The following MTMR7 variants were observed in gnomAD, a reference collection of about 807,000 sequenced individuals.
The protein encoded by MTMR7 is myotubularin related protein 7, also known as phosphatidylinositol-3-phosphate phosphatase MTMR7.
Under a neutral mutation model 81.2 loss-of-function variants are expected in MTMR7, and 76 were observed. That is an observed-to-expected ratio of 0.94 (90% CI 0.78 to 1.13). The LOEUF is 1.13. Among genes scored for constraint, MTMR7 ranks in the 50% most tolerant of loss-of-function variants. The pLI is 0.00. For missense variants in MTMR7, 1,044 were observed against 820.0 expected, an observed-to-expected ratio of 1.27 and a Z score of -3.34; for synonymous variants, 372 against 289.8, an observed-to-expected ratio of 1.28 and a Z score of -2.88.
rs1817412802 is a variant in MTMR7, at chr8:17,305,815, A to C, written c.1294T>G (p.Tyr432Asp). 1 of 1,613,582 alleles carries C rather than the reference A, an allele frequency of 6.2e-7. No homozygotes were observed. The change falls in exon 11 of 14, where the codon TAT becomes GAT. Residue 432 changes from tyrosine to aspartate, a missense_variant. Physicochemically the swap from Tyr to Asp is radical, Grantham distance 160. Transcript: ENST00000180173. ...RFLIHIQHHI[Y>D]SCQFGNFLCN... Reference sequence around the variant, plus strand: ...AGGAAGTTTCCAAACTGGCAGGAATAAATGTGATGTTGAATGTGAATCAAA... The same window carrying C: ...AGGAAGTTTCCAAACTGGCAGGAATCAATGTGATGTTGAATGTGAATCAAA...
intron 1 of MTMR7, among the ~76,000 whole-genome samples, chr8:17,376,809 T>C (rs1820603666): frequency 6.6e-6 from 1 of 152,154 alleles, no homozygotes; most frequent in Non-Finnish European, 1.5e-5. Flanking sequence ...CTAAGAGTTT[T>C]GATTTTTTAA....
intron 10 of MTMR7, among the ~76,000 whole-genome samples, chr8:17,308,003 G>A (rs960692888): frequency 5.3e-5 from 8 of 151,864 alleles, no homozygotes; most frequent in Non-Finnish European, 7.4e-5. Context: ...AAACCTGCAC[G>A]TTGTGCACAT....
At chr8:17,319,635 A>G (rs1818279012) in intron 7 of MTMR7, among the ~76,000 whole-genome samples, 1 of 152,214 alleles carries the variant, frequency 6.6e-6, no homozygotes, top group Non-Finnish European at 1.5e-5. Flanking sequence ...TAGCTTTTCA[A>G]TCCTCAAACA....
At chr8:17,334,878 G>C (rs1250141198) in intron 6 of MTMR7, among the ~76,000 whole-genome samples, 2 of 152,198 alleles carry the variant, frequency 1.3e-5, no homozygotes, top group Non-Finnish European at 2.9e-5. Context: ...GCTAGAGCTG[G>C]ACTTTAACAC....
intron 1 of MTMR7, among the ~76,000 whole-genome samples, chr8:17,395,161 T>C (rs938472469): frequency 5.9e-5 from 9 of 152,190 alleles, no homozygotes; most frequent in Non-Finnish European, 7.4e-5. Context: ...AGTGGAATCA[T>C]ACATTATCTG....
chr8:17,364,976 T>C (rs1219854844), intron 3 of MTMR7, among the ~76,000 whole-genome samples: 1 of 152,266 alleles, frequency 6.6e-6, no homozygotes, highest in Non-Finnish European at 1.5e-5. Context: ...TTTTTGTTTG[T>C]TGTGGAACCT....
chr8:17,350,154 T>C (rs1167691708), intron 4 of MTMR7, among the ~76,000 whole-genome samples: 1 of 152,210 alleles, frequency 6.6e-6, no homozygotes, highest in Non-Finnish European at 1.5e-5. Flanking sequence ...CACATGGAAG[T>C]GTCCTGGGAT....
At chr8:17,319,664 C>T (rs1434989261) in intron 7 of MTMR7, among the ~76,000 whole-genome samples, 2 of 152,158 alleles carry the variant, frequency 1.3e-5, no homozygotes, top group African/African-American at 4.8e-5. Context: ...GAGGAAGGCA[C>T]TTATTATTCT....
chr8:17,361,576 A>G (rs1437588292), intron 3 of MTMR7, among the ~76,000 whole-genome samples: 1 of 152,166 alleles, frequency 6.6e-6, no homozygotes, highest in East Asian at 1.9e-4. Context: ...TATTTTCCAG[A>G]CCACATCAAA....
rs146663111 is a variant in MTMR7, at chr8:17,345,213, C to T, written c.598-3716G>A. Among the ~76,000 whole-genome samples, 9 of 152,362 alleles carry T rather than the reference C, an allele frequency of 5.9e-5. No individual in the cohort carries two copies. In the East Asian group the frequency reaches 1.2e-3, roughly 20 times the overall value. On this transcript the variant is annotated intron_variant, in intron 5 of 13. Transcript: ENST00000180173. ...ACCGAGAGGGCCTCAAATGGCCTCA[C>T]TGCAAGTTCCCTGCCACGCTCTGCT...
intron 1 of MTMR7, among the ~76,000 whole-genome samples, chr8:17,392,582 G>A (rs13275427): frequency 0.01 from 1,583 of 152,338 alleles, 10 homozygotes; most frequent in Non-Finnish European, 0.018. Context: ...CGATGTCACT[G>A]AGGCTTTGCC....
At chr8:17,351,623 A>G (rs1819730903) in intron 4 of MTMR7, among the ~76,000 whole-genome samples, 1 of 152,202 alleles carries the variant, frequency 6.6e-6, no homozygotes, top group Non-Finnish European at 1.5e-5. Context: ...CTTGCATCAG[A>G]TGTGGAGGCC....
At chr8:17,329,352 T>A (rs1181952948) in intron 7 of MTMR7, among the ~76,000 whole-genome samples, 1 of 152,186 alleles carries the variant, frequency 6.6e-6, no homozygotes, top group African/African-American at 2.4e-5. Context: ...CAGAAAGATA[T>A]CCTAGCCTAC....
intron 7 of MTMR7, among the ~76,000 whole-genome samples, chr8:17,320,278 G>T (rs1818315889): frequency 6.6e-6 from 1 of 152,118 alleles, no homozygotes; most frequent in Non-Finnish European, 1.5e-5. Context: ...CAAGGAAGCT[G>T]AATCTGATCA....
chr8:17,306,671 AC>A (rs1480389055), intron 10 of MTMR7, among the ~76,000 whole-genome samples: 1 of 152,060 alleles, frequency 6.6e-6, no homozygotes, highest in Non-Finnish European at 1.5e-5. Context: ...ACAATATAGA[AC>A]CCCGTGTTAG....
In MTMR7 at chr8:17,311,576, C is replaced by G; in HGVS notation, c.1036G>C (p.Ala346Pro). 2 of 1,614,142 alleles carry G rather than the reference C, an allele frequency of 1.2e-6. No homozygotes were observed. Among genetic ancestry groups the G allele is most frequent in the South Asian group, 2.2e-5 (2 of 91,080 alleles). The change falls in exon 9 of 14, where the codon GCT becomes CCT. Residue 346 changes from alanine (A) to proline (P), a missense_variant. Ala to Pro is a conservative substitution (Grantham distance 27). Transcript: ENST00000180173. ...VHCSDGWDRT[A>P]QVCSVASLLL... The stretch of plus-strand genomic sequence containing the variant: ...AGGCTTGCCACCGAGCACACCTGAG[C>G]GGTCCTGTCCCAGCCATCAGAACAG...
intron 1 of MTMR7, among the ~76,000 whole-genome samples, chr8:17,385,700 T>C (rs531832998): frequency 1.6e-4 from 24 of 152,284 alleles, no homozygotes; most frequent in African/African-American, 5.5e-4. Context: ...GATGTGGTTG[T>C]TTAAAAGGGT....
intron 4 of MTMR7, among the ~76,000 whole-genome samples, chr8:17,359,565 G>C (rs551739073): frequency 1.6e-4 from 21 of 133,750 alleles, no homozygotes; most frequent in Non-Finnish European, 3.2e-4. Flanking sequence ...CTGGGTAACA[G>C]AGTGAAACCC....
chr8:17,341,956 C>A lies in MTMR7; in HGVS notation c.598-459G>T, dbSNP rs546112012. On this transcript the variant is annotated intron_variant, in intron 5 of 13. Coordinates refer to ENST00000180173, the MANE Select transcript of MTMR7 (RefSeq NM_004686.5). ...TAAACTAGCCCATCTAGAAACATCACAAATACCAAAAACCAATTCTAATTC... is the reference window on the plus strand; with the variant it reads ...TAAACTAGCCCATCTAGAAACATCAAAAATACCAAAAACCAATTCTAATTC... Among the ~76,000 whole-genome samples, 337 of 150,876 alleles carry A rather than the reference C, an allele frequency of 2.2e-3. 1 individual carries two copies. The highest frequency in any genetic ancestry group is 4.8e-3 in the South Asian group (23 of 4,796).
Sources: gnomAD v4.1 joint callset for allele counts (sites outside exome capture counted in the v4.1 genomes callset) on GRCh38, gnomAD v4.1.1 for gene constraint, MANE v1.5 for transcripts, NCBI Gene and HGNC (gene_info 2026-07-23, HGNC 2026-07-21) for gene names.